SCUBE1: variants seen among roughly 807,000 people sequenced by gnomAD.
SCUBE1 encodes signal peptide, CUB domain and EGF like domain containing 1, also known as signal peptide, CUB and EGF-like domain-containing protein 1.
In SCUBE1, 59 loss-of-function variants were observed where a neutral mutation model predicts 124.4. That is an observed-to-expected ratio of 0.47 (90% CI 0.38 to 0.59). The LOEUF is 0.59. Ranked by LOEUF, SCUBE1 falls within the 20% of genes least tolerant of loss-of-function variation. SCUBE1 has a pLI of 0.00. For synonymous variants in SCUBE1, 545 were observed against 550.9 expected, an observed-to-expected ratio of 0.99 and a Z score of 0.15; for missense variants, 1,150 against 1,371.2, an observed-to-expected ratio of 0.84 and a Z score of 2.55.
chr22:43,330,019 T>G (rs1407905698), intron 2 of SCUBE1, among the ~76,000 whole-genome samples: 3 of 142,464 alleles, frequency 2.1e-5, no homozygotes, highest in Non-Finnish European at 3.1e-5. Flanking sequence ...GGGTGGGAGG[T>G]GGGGGCAGAG....
intron 3 of SCUBE1, among the ~76,000 whole-genome samples, chr22:43,311,176 ATTTGT>A (rs1412668711): frequency 6.6e-6 from 1 of 151,778 alleles, no homozygotes; most frequent in Non-Finnish European, 1.5e-5. Context: ...GTATCACATT[ATTTGT>A]TTTATTATTT....
At chr22:43,218,605 C>T in intron 14 of SCUBE1, 147 bp from the exon 15 acceptor site, 1 of 795,502 alleles carries the variant, frequency 1.3e-6, no homozygotes, top group Non-Finnish European at 2.0e-6. Flanking sequence ...CAAGGGGCCA[C>T]TGTCATGCCC....
At chr22:43,315,373 C>T (rs1489027169) in intron 3 of SCUBE1, among the ~76,000 whole-genome samples, 1 of 152,144 alleles carries the variant, frequency 6.6e-6, no homozygotes, top group Non-Finnish European at 1.5e-5. Flanking sequence ...GAGCCTAAAT[C>T]TTCAAACTCC....
intron 3 of SCUBE1, among the ~76,000 whole-genome samples, chr22:43,292,070 C>A (rs1171406317): frequency 6.6e-6 from 1 of 152,162 alleles, no homozygotes; most frequent in Non-Finnish European, 1.5e-5. Flanking sequence ...ACCCCACGAG[C>A]CCCGTCTCTT....
chr22:43,294,535 G>C (rs1925487562), intron 3 of SCUBE1, among the ~76,000 whole-genome samples: 1 of 152,202 alleles, frequency 6.6e-6, no homozygotes. Context: ...CCCAGCATTT[G>C]GCACACTCTA....
intron 10 of SCUBE1, 128 bp downstream of exon 10, chr22:43,227,246 C>T: frequency 1.8e-6 from 2 of 1,119,596 alleles, no homozygotes; most frequent in Non-Finnish European, 2.5e-6. Context: ...AGAACCTCTG[C>T]CTGGGAATGC....
intron 6 of SCUBE1, among the ~76,000 whole-genome samples, chr22:43,244,558 C>T (rs879903192): frequency 6.6e-6 from 1 of 152,222 alleles, no homozygotes; most frequent in Non-Finnish European, 1.5e-5. Flanking sequence ...GACTGAAGGG[C>T]GAATGTGCCC....
chr22:43,266,764 G>A (rs1260552243), intron 4 of SCUBE1, among the ~76,000 whole-genome samples: 5 of 152,164 alleles, frequency 3.3e-5, no homozygotes, highest in African/African-American at 9.7e-5. Context: ...GCGACTACAC[G>A]GTGCCTGTTA....
In SCUBE1 at chr22:43,299,675, C is replaced by T. The variant is rs146199998; in HGVS notation, c.350-8495G>A. Among the ~76,000 whole-genome samples the T allele has an allele frequency of 3.8e-3, 579 of 152,262 alleles. 4 individuals carry two copies. Among genetic ancestry groups the T allele is most frequent in the African/African-American group, 0.013 (555 of 41,536 alleles). Reference sequence around the variant, plus strand: ...AGCACACAATTCACAATCTTTAAGCCGACATCTTAGTGGTTTTTAGTATAT... The same window carrying T: ...AGCACACAATTCACAATCTTTAAGCTGACATCTTAGTGGTTTTTAGTATAT... On this transcript the variant is annotated intron_variant, in intron 3 of 21. Transcript: ENST00000360835.
intron 4 of SCUBE1, among the ~76,000 whole-genome samples, chr22:43,274,024 C>T (rs183294540): frequency 3.3e-5 from 5 of 151,920 alleles, no homozygotes; most frequent in African/African-American, 4.8e-5. Flanking sequence ...TGCCCTGCCT[C>T]GTTTCTTCCC....
intron 6 of SCUBE1, among the ~76,000 whole-genome samples, chr22:43,248,244 A>T (rs1167633741): frequency 6.6e-6 from 1 of 152,192 alleles, no homozygotes; most frequent in African/African-American, 2.4e-5. Flanking sequence ...GATGGAGTAC[A>T]GTGGGAGGGA....
chr22:43,323,643 A>G (rs1291778954), intron 2 of SCUBE1, among the ~76,000 whole-genome samples: 1 of 151,180 alleles, frequency 6.6e-6, no homozygotes, highest in African/African-American at 2.4e-5. Context: ...CAGATGAGAA[A>G]TCCTCTCATC....
rs1374776782 is a variant in SCUBE1, at chr22:43,211,076, G to A, written c.2229C>T (p.Cys743=). 3 of 1,610,272 alleles carry A rather than the reference G, an allele frequency of 1.9e-6. No individual in the cohort carries two copies. Among genetic ancestry groups the A allele is most frequent in the Admixed American group, 3.4e-5 (2 of 59,298 alleles). ...TGGTGTTGTAGTGGTGGCCGGGGGA[G>A]CAGTGCACTGCCGGGGGACACAAGG... The part of the protein sequence containing the change: ...SFQDCEAKVH[C]SPGHHYNTTT... The change falls in exon 18 of 22, where the codon TGC becomes TGT. Residue 743 remains cysteine (C), a synonymous_variant. Transcript: ENST00000360835. This position sits in a 1 kb window ranked among gnomAD's most constrained non-coding sequence, Gnocchi z 4.5.
chr22:43,208,475 C>G (rs1292980103), intron 19 of SCUBE1, among the ~76,000 whole-genome samples: 1 of 152,234 alleles, frequency 6.6e-6, no homozygotes, highest in African/African-American at 2.4e-5. Flanking sequence ...ACTCTCCCCC[C>G]ATCCCCTCCC....
chr22:43,247,840 T>C (rs1923278546), intron 6 of SCUBE1, among the ~76,000 whole-genome samples: 1 of 152,230 alleles, frequency 6.6e-6, no homozygotes, highest in Non-Finnish European at 1.5e-5. Flanking sequence ...GGTGCCCTGT[T>C]CTTGGGCACC....
intron 1 of SCUBE1, among the ~76,000 whole-genome samples, chr22:43,340,723 G>A (rs2146807438): frequency 6.6e-6 from 1 of 152,262 alleles, no homozygotes; most frequent in South Asian, 2.1e-4. Context: ...TTTCCTATGT[G>A]CCATGTGACT....
chr22:43,292,680 G>GA (rs1925410299), intron 3 of SCUBE1, among the ~76,000 whole-genome samples: 1 of 152,104 alleles, frequency 6.6e-6, no homozygotes, highest in African/African-American at 2.4e-5. Flanking sequence ...AAAAGGTAAA[G>GA]AGTTGGTGAC....
At chr22:43,205,900 C>T (rs1307073669) in intron 21 of SCUBE1, among the ~76,000 whole-genome samples, 2 of 103,686 alleles carry the variant, frequency 1.9e-5, no homozygotes, top group South Asian at 7.6e-4. Flanking sequence ...TCACCACAAA[C>T]ACCCCCACCC....
intron 2 of SCUBE1, among the ~76,000 whole-genome samples, chr22:43,325,123 C>T (rs1926679684): frequency 6.6e-6 from 1 of 151,588 alleles, no homozygotes; most frequent in Admixed American, 6.6e-5. Flanking sequence ...GTGTGTGAGG[C>T]CAGGGTAAGA....
Sources: allele counts gnomAD v4.1 joint callset (sites outside exome capture counted in the v4.1 genomes callset), GRCh38; gene constraint gnomAD v4.1.1; non-coding constraint Gnocchi (gnomAD v3.1); transcripts MANE v1.5; gene names NCBI Gene and HGNC (gene_info 2026-07-23, HGNC 2026-07-21).